Variants in GRIK1 observed in about 807,000 individuals in gnomAD.
GRIK1 encodes glutamate receptor ionotropic, kainate 1.
GRIK1 carries 69 observed loss-of-function variants against 105.7 expected under a neutral mutation model. The observed-to-expected ratio is 0.65, with a 90% CI of 0.54 to 0.80. GRIK1 has a LOEUF of 0.80. GRIK1 is among the 30% of genes least tolerant of loss of function. The pLI, the probability that GRIK1 is intolerant of heterozygous loss-of-function variation, is 0.00. For missense variants in GRIK1, 1,109 were observed against 1,167.3 expected, an observed-to-expected ratio of 0.95 and a Z score of 0.73; for synonymous variants, 438 against 431.3, an observed-to-expected ratio of 1.02 and a Z score of -0.19.
chr21:29,905,503 C>T (rs1411243812), intron 1 of GRIK1, among the ~76,000 whole-genome samples: 1 of 150,694 alleles, frequency 6.6e-6, no homozygotes, highest in Non-Finnish European at 1.5e-5. Context: ...TGGAGTGCAG[C>T]AGTGCAATCT....
chr21:29,677,836 G>A (rs1477713110), intron 3 of GRIK1, among the ~76,000 whole-genome samples: 1 of 152,166 alleles, frequency 6.6e-6, no homozygotes, highest in Non-Finnish European at 1.5e-5. Flanking sequence ...CAAATAGCAG[G>A]AATTGGAAGA....
intron 16 of GRIK1, among the ~76,000 whole-genome samples, chr21:29,541,820 A>AG (rs34762921): frequency 0.71 from 107,933 of 151,116 alleles, 38,935 homozygotes; most frequent in Admixed American, 0.81. Context: ...ATTGTGCTTT[A>AG]TACATAGGCA....
At chr21:29,573,838 G>T (rs543944826) in intron 14 of GRIK1, among the ~76,000 whole-genome samples, 3 of 145,456 alleles carry the variant, frequency 2.1e-5, no homozygotes, top group Non-Finnish European at 4.5e-5. Flanking sequence ...GGGCGACAGA[G>T]CAAGACTCCG....
At chr21:29,567,933 A>G (rs1348615071) in intron 14 of GRIK1, among the ~76,000 whole-genome samples, 1 of 152,246 alleles carries the variant, frequency 6.6e-6, no homozygotes, top group African/African-American at 2.4e-5. Context: ...TGTGTATAAT[A>G]TGAACACTGC....
chr21:29,651,404 G>T, intron 5 of GRIK1, 113 bp from the exon 6 acceptor site: 2 of 697,332 alleles, frequency 2.9e-6, no homozygotes, highest in Non-Finnish European at 4.5e-6. Context: ...TTTTATCTGT[G>T]GTTTTGTGGT....
chr21:29,807,542 A>G (rs940689604), intron 1 of GRIK1, among the ~76,000 whole-genome samples: 4 of 152,096 alleles, frequency 2.6e-5, no homozygotes, highest in African/African-American at 9.7e-5. Flanking sequence ...AGTGGCCTGC[A>G]TAGTTGATCT....
At chr21:29,821,668 T>C (rs2067311720) in intron 1 of GRIK1, among the ~76,000 whole-genome samples, 3 of 152,082 alleles carry the variant, frequency 2.0e-5, no homozygotes. Context: ...TAGTATAGTA[T>C]GTACAAGAGT....
chr21:29,867,886 A>AGAGAG (rs1555901571), intron 1 of GRIK1, among the ~76,000 whole-genome samples: 3 of 129,032 alleles, frequency 2.3e-5, no homozygotes, highest in Admixed American at 7.7e-5. Context: ...AAGAGAGAGA[A>AGAGAG]AGAGAGAGAG....
At chr21:29,545,193 G>A (rs990727054) in intron 16 of GRIK1, among the ~76,000 whole-genome samples, 1 of 152,238 alleles carries the variant, frequency 6.6e-6, no homozygotes, top group Non-Finnish European at 1.5e-5. Context: ...CCAGTGCTAT[G>A]AGCAGAGAAC....
intron 1 of GRIK1, among the ~76,000 whole-genome samples, chr21:29,813,201 G>C (rs774562480): frequency 2.0e-5 from 3 of 152,146 alleles, no homozygotes; most frequent in Non-Finnish European, 4.4e-5. Context: ...TGGAATTGCT[G>C]ATCTCACAAA....
At chr21:29,768,201 G>A (rs909683600) in intron 1 of GRIK1, among the ~76,000 whole-genome samples, 1 of 152,162 alleles carries the variant, frequency 6.6e-6, no homozygotes, top group Non-Finnish European at 1.5e-5. Context: ...AGTGCTAAGA[G>A]ACTTGGGTGC....
At chr21:29,748,479 C>T (rs2065100411) in intron 1 of GRIK1, among the ~76,000 whole-genome samples, 5 of 152,198 alleles carry the variant, frequency 3.3e-5, no homozygotes, top group Admixed American at 1.3e-4. Flanking sequence ...GTAGAAATAA[C>T]CCAAATGCAT....
intron 9 of GRIK1, among the ~76,000 whole-genome samples, chr21:29,595,084 C>G (rs541803214): frequency 2.0e-5 from 3 of 152,016 alleles, no homozygotes; most frequent in African/African-American, 4.8e-5. Flanking sequence ...TAACACAAAA[C>G]AGCACACCAC....
intron 16 of GRIK1, among the ~76,000 whole-genome samples, chr21:29,543,790 A>C (rs1735694672): frequency 6.6e-6 from 1 of 152,092 alleles, no homozygotes; most frequent in East Asian, 1.9e-4. Flanking sequence ...CGCCCATACT[A>C]ATCTCCACCT....
chr21:29,848,048 G>GTTA (rs56711180), intron 1 of GRIK1, among the ~76,000 whole-genome samples: 3,875 of 147,864 alleles, frequency 0.026, 55 homozygotes, highest in Middle Eastern at 0.076. Flanking sequence ...TTAAACGTAA[G>GTTA]TTATTATTAT....
intron 1 of GRIK1, among the ~76,000 whole-genome samples, chr21:29,808,190 C>G (rs546879967): frequency 6.6e-6 from 1 of 152,088 alleles, no homozygotes; most frequent in Non-Finnish European, 1.5e-5. Context: ...AAGTGACTGA[C>G]AAGAATTGGT....
chr21:29,785,600 A>G (rs1012274736), intron 1 of GRIK1, among the ~76,000 whole-genome samples: 1 of 148,464 alleles, frequency 6.7e-6, no homozygotes, highest in Non-Finnish European at 1.5e-5. Context: ...CGAAAAACCC[A>G]TTACTTCATT....
intron 1 of GRIK1, among the ~76,000 whole-genome samples, chr21:29,727,603 A>T (rs1356670691): frequency 6.6e-6 from 1 of 152,202 alleles, no homozygotes; most frequent in Admixed American, 6.5e-5. Context: ...GGCGAAAGTT[A>T]AGGGAATTCA....
chr21:29,729,767 G>A lies in GRIK1; in HGVS notation c.119-35704C>T, dbSNP rs144629735. On this transcript the variant is annotated intron_variant, in intron 1 of 17. Coordinates refer to ENST00000327783, the MANE Select transcript of GRIK1 (RefSeq NM_001330994.2). ...ACTGTAGTAGAGAAAGATAGTTTCT[G>A]GAGATGTTACCTATATGTAAGAGGG... is the stretch of plus-strand genomic sequence containing the variant. Among the ~76,000 whole-genome samples, 465 of 152,226 alleles carry A rather than the reference G, an allele frequency of 3.1e-3. 5 individuals carry two copies. The highest frequency in any genetic ancestry group is 0.024 in the East Asian group (124 of 5,176).
Sources: allele counts gnomAD v4.1 joint callset (sites outside exome capture counted in the v4.1 genomes callset), GRCh38; gene constraint gnomAD v4.1.1; transcripts MANE v1.5; gene names NCBI Gene and HGNC (gene_info 2026-07-23, HGNC 2026-07-21).